UCKL1: variants seen among roughly 807,000 people sequenced by gnomAD.
UCKL1 encodes uridine-cytidine kinase-like 1.
Under a neutral mutation model 59.2 loss-of-function variants are expected in UCKL1, and 65 were observed. The observed-to-expected ratio is 1.10, with a 90% confidence interval of 0.90 to 1.35. The LOEUF is 1.35. UCKL1 is among the 40% of genes most tolerant of loss of function. The probability of loss-of-function intolerance (pLI) is 0.00; values close to 1 mark genes in which losing one functional copy is unlikely to be tolerated. For synonymous variants in UCKL1, 410 were observed against 323.1 expected (o/e 1.27, Z -2.88); for missense variants, 703 against 784.3 (o/e 0.90, Z 1.24).
rs114621292 is a variant in UCKL1 at position 63,947,604 on chromosome 20, G to A, written c.114-961C>T. Among the ~76,000 whole-genome samples the A allele has an allele frequency of 5.1e-3, 773 of 152,350 alleles. 8 individuals carry two copies. Among genetic ancestry groups the A allele is most frequent in the African/African-American group, 0.018 (732 of 41,570 alleles). ...GTGCCTCGGCCTGGCCTCTCTGGCT[G>A]TCAGAGTGCCGGATGGGGGACCCTG... On this transcript the variant is annotated intron_variant, in intron 1 of 14. Transcript: ENST00000354216.
At chr20:63,952,448 C>T (rs551340385) in intron 1 of UCKL1, among the ~76,000 whole-genome samples, 2 of 152,336 alleles carry the variant, frequency 1.3e-5, no homozygotes, top group East Asian at 3.9e-4. Flanking sequence ...CTGCAGGCCA[C>T]GTGGTCCCCA....
At chr20:63,946,073 G>A (rs1454911968) in intron 3 of UCKL1, 88 bp downstream of exon 3, 3 of 1,608,432 alleles carry the variant, frequency 1.9e-6, no homozygotes, top group Non-Finnish European at 2.5e-6. Flanking sequence ...AGCCACGCTG[G>A]GGCTGAGACC....
intron 2 of UCKL1, 89 bp downstream of exon 2, chr20:63,946,364 G>A (rs2056209214): frequency 6.6e-7 from 1 of 1,526,644 alleles, no homozygotes; most frequent in Non-Finnish European, 8.9e-7. Flanking sequence ...GCCTGCGGTT[G>A]CCCGGCTTCC....
chr20:63,943,555 A>T, intron 8 of UCKL1, 98 bp downstream of exon 8: 1 of 1,568,216 alleles, frequency 6.4e-7, no homozygotes. Flanking sequence ...GTGACTGGGG[A>T]AGAGCCAGCT....
intron 1 of UCKL1, among the ~76,000 whole-genome samples, chr20:63,947,593 C>T (rs531606948): frequency 1.3e-5 from 2 of 152,356 alleles, no homozygotes; most frequent in South Asian, 2.1e-4. Flanking sequence ...CTCGGCCTGG[C>T]CTCTCTGGCT....
rs997252603 is a variant in UCKL1, at chr20:63,943,546, T to C, written c.923+107A>G. 13 of 1,544,578 alleles carry C rather than the reference T, an allele frequency of 8.4e-6. No homozygotes were observed. The African/African-American group carries it at 1.5e-4, about 18-fold the overall frequency. ...GGACCACTCCACACCACCCCTTCTG[T>C]GACTGGGGAAGAGCCAGCTGCCTGG... On this transcript the variant is annotated intron_variant, in intron 8 of 14. Coordinates refer to ENST00000354216, the MANE Select transcript of UCKL1 (RefSeq NM_017859.4).
At position 63,946,192 on chromosome 20, in the gene UCKL1, A is replaced by C; in HGVS notation, c.380T>G (p.Val127Gly). The C allele has an allele frequency of 6.2e-7, 1 of 1,612,040 alleles. No individual in the cohort carries two copies. Among genetic ancestry groups the C allele is most frequent in the Non-Finnish European group, 8.5e-7 (1 of 1,179,618 alleles). ...MIIEALDVPW[V>G]VLLSMDSFYK... ...GAAGGAGTCCATGGACAGCAAGACC[A>C]CCCAGGGCACATCCAGGGCCTCGAT... Residue 127 changes from valine (V) to glycine (G), a missense_variant, in exon 3 of 15, where the codon GTG becomes GGG. Physicochemically the swap from Val to Gly is moderately radical, Grantham distance 109. Transcript: ENST00000354216.
intron 1 of UCKL1, chr20:63,950,782 G>A: frequency 6.5e-7 from 1 of 1,539,660 alleles, no homozygotes; most frequent in Non-Finnish European, 8.8e-7. Context: ...CAAGGGCCCG[G>A]CACCCTGAGA....
chr20:63,944,781 C>A, intron 5 of UCKL1, 47 bp from the exon 6 acceptor site: 1 of 1,600,422 alleles, frequency 6.2e-7, no homozygotes, highest in Non-Finnish European at 8.5e-7. Flanking sequence ...CAGCAGTGGG[C>A]ATGGAGACAC....
chr20:63,948,695 G>A (rs1239352438), intron 1 of UCKL1, among the ~76,000 whole-genome samples: 1 of 131,908 alleles, frequency 7.6e-6, no homozygotes, highest in Non-Finnish European at 1.7e-5. Context: ...GAGACCGAGG[G>A]GGCGTGTAAG....
Position 63,940,283 on chromosome 20 carries a change from C to A in UCKL1, c.1434G>T (p.Lys478Asn). The change falls in exon 14 of 15, where the codon AAG becomes AAT. Residue 478 changes from lysine (K) to asparagine (N), a missense_variant. Physicochemically the swap from Lys to Asn is moderately conservative, Grantham distance 94 (BLOSUM62 0). Coordinates refer to ENST00000354216, the MANE Select transcript of UCKL1 (RefSeq NM_017859.4). ...VLLDHDVPED[K>N]IFLLSLLMAE... ...CCATGAGCAGCGACAGCAAAAAGAT[C>A]TTGTCCTCAGGCACGTCGTGGTCCT... 1 of 1,612,738 alleles carries A rather than the reference C, an allele frequency of 6.2e-7. No individual in the cohort carries two copies. The highest frequency in any genetic ancestry group is 1.7e-5 in the Admixed American group (1 of 60,028).
chr20:63,950,785 C>T (rs2057467507), intron 1 of UCKL1: 1 of 1,540,406 alleles, frequency 6.5e-7, no homozygotes, highest in Middle Eastern at 1.7e-4. Flanking sequence ...GGGCCCGGCA[C>T]CCTGAGATCC....
At position 63,940,804 on chromosome 20, in the gene UCKL1, G is replaced by A; in HGVS notation, c.1169C>T (p.Ala390Val). Residue 390 changes from alanine to valine, a missense_variant, in exon 11 of 15, where the codon GCG becomes GTG. By Grantham distance (64) the Ala-to-Val change is moderately conservative. Transcript: ENST00000354216. ...QGQDYAGKCY[A>V]GKQITGVSIL... ...TGCCCAGGCAGGTACCTGCTTCCCC[G>A]CATAGCACTTGCCCGCATAGTCCTG... The A allele has an allele frequency of 6.3e-7, 1 of 1,583,710 alleles. No homozygotes were observed. The highest frequency in any genetic ancestry group is 8.6e-7 in the Non-Finnish European group (1 of 1,166,608).
chr20:63,950,153 C>T (rs1042077461), intron 1 of UCKL1, among the ~76,000 whole-genome samples: 12 of 152,234 alleles, frequency 7.9e-5, no homozygotes, highest in African/African-American at 1.9e-4. Context: ...GCCAGAAGCC[C>T]GCCTCACCGC....
chr20:63,952,425 T>C (rs1420892413), intron 1 of UCKL1, among the ~76,000 whole-genome samples: 1 of 152,138 alleles, frequency 6.6e-6, no homozygotes, highest in African/African-American at 2.4e-5. Context: ...CACCCTGGAA[T>C]CACGTCGCCT....
chr20:63,943,146 G>A (rs533061819), intron 8 of UCKL1, among the ~76,000 whole-genome samples: 10 of 152,366 alleles, frequency 6.6e-5, no homozygotes, highest in African/African-American at 2.4e-4. Context: ...AGTTCCTGCT[G>A]GCAGAGCTGT....
At position 63,941,110 on chromosome 20, in the gene UCKL1, C is replaced by T; in HGVS notation, c.1022G>A (p.Arg341Lys). ...PQVRGMHTII[R>K]DKETSRDEFI... ...GCCCCGTCCCCAGGTGGGCCCTCAC[C>T]TGATGATGGTGTGCATGCCCCGTAC... The change falls in exon 9 of 15, where the codon AGG becomes AAG. Residue 341 changes from arginine (R) to lysine (K), a missense_variant and splice_region_variant. Arg to Lys is a conservative substitution (Grantham distance 26). Around this residue, in one of 4 missense-constraint regions of UCKL1, gnomAD observed 156 missense variants for 185.6 expected, o/e 0.84. Coordinates refer to ENST00000354216, the MANE Select transcript of UCKL1 (RefSeq NM_017859.4). 1.3e-6 allele frequency: 2 copies of T among 1,599,336 alleles called. No homozygotes were observed. Among genetic ancestry groups the T allele is most frequent in the Non-Finnish European group, 1.7e-6 (2 of 1,175,132 alleles).
At chr20:63,945,396 G>C (rs2055885092) in intron 5 of UCKL1, among the ~76,000 whole-genome samples, 1 of 152,236 alleles carries the variant, frequency 6.6e-6, no homozygotes, top group African/African-American at 2.4e-5. Context: ...AGAACGCCAA[G>C]GACACTCCAG....
At chr20:63,945,187 T>C (rs1021480328) in intron 5 of UCKL1, among the ~76,000 whole-genome samples, 1 of 152,148 alleles carries the variant, frequency 6.6e-6, no homozygotes, top group Admixed American at 6.5e-5. Context: ...TGAAGAGGCC[T>C]TGTGGAGGCT....
Sources: gnomAD v4.1 joint callset for allele counts (sites outside exome capture counted in the v4.1 genomes callset) on GRCh38, gnomAD v4.1.1 for gene constraint, gnomAD v4.1.1 regional missense constraint, MANE v1.5 for transcripts, NCBI Gene and HGNC (gene_info 2026-07-23, HGNC 2026-07-21) for gene names.